Variants in PDE11A observed in about 807,000 individuals in gnomAD.
PDE11A encodes phosphodiesterase 11A, also known as dual 3',5'-cyclic-AMP and -GMP phosphodiesterase 11A.
A neutral mutation model predicts 100.5 loss-of-function variants in PDE11A; 100 were observed. The observed-to-expected ratio is 1.00, with a 90% CI of 0.85 to 1.18. The LOEUF (loss-of-function observed/expected upper bound fraction) is 1.18. Among genes scored for constraint, PDE11A ranks in the 50% most tolerant of loss-of-function variants. The pLI is 0.00. For synonymous variants in PDE11A, 381 were observed against 420.8 expected (o/e 0.91, Z 1.16); for missense variants, 1,141 against 1,152.6 (o/e 0.99, Z 0.15).
At chr2:177,731,849 C>A (rs1385077328) in intron 10 of PDE11A, among the ~76,000 whole-genome samples, 2 of 152,098 alleles carry the variant, frequency 1.3e-5, no homozygotes, top group Non-Finnish European at 2.9e-5. Flanking sequence ...AAATTACTTT[C>A]TATTCATCCA....
At chr2:177,940,011 C>T (rs2085328035) in intron 2 of PDE11A, among the ~76,000 whole-genome samples, 1 of 151,848 alleles carries the variant, frequency 6.6e-6, no homozygotes, top group South Asian at 2.1e-4. Context: ...AGAGTGAATC[C>T]TTCTGTTTTA....
chr2:177,750,934 T>G (rs928390053), intron 10 of PDE11A, among the ~76,000 whole-genome samples: 1 of 152,166 alleles, frequency 6.6e-6, no homozygotes, highest in Non-Finnish European at 1.5e-5. Context: ...GCTTAAAAAG[T>G]ATATCAATTC....
intron 2 of PDE11A, among the ~76,000 whole-genome samples, chr2:178,095,544 G>A (rs1333148085): frequency 6.6e-6 from 1 of 152,186 alleles, no homozygotes; most frequent in Non-Finnish European, 1.5e-5. Context: ...CAAGCTGTTG[G>A]TGGATCTACC....
intron 2 of PDE11A, among the ~76,000 whole-genome samples, chr2:177,912,275 A>T (rs1038212294): frequency 6.6e-6 from 1 of 152,092 alleles, no homozygotes. Context: ...GTCCCTGAGT[A>T]TTAAAGCTGG....
chr2:177,709,621 C>G lies in PDE11A; in HGVS notation c.2153+2148G>C, dbSNP rs149281320. On this transcript the variant is annotated intron_variant, in intron 13 of 19. Transcript: ENST00000286063. The stretch of plus-strand genomic sequence containing the variant: ...ATCAGCAGATGGCTGGTGGCCCTGC[C>G]TGAAGGATCGTGAAGAGTGAGAGAG... 5.6e-3 allele frequency among the ~76,000 whole-genome samples: 850 copies of G among 152,252 alleles called. 6 individuals are homozygous for G. The highest frequency in any genetic ancestry group is 0.011 in the South Asian group (52 of 4,826).
chr2:178,055,492 T>C (rs887925458), intron 1 of PDE11A, among the ~76,000 whole-genome samples: 10 of 151,976 alleles, frequency 6.6e-5, no homozygotes, highest in Admixed American at 4.6e-4. Flanking sequence ...GAACTTAAAG[T>C]ATAATAAAAA....
chr2:177,834,831 G>A (rs1238803826), intron 6 of PDE11A, among the ~76,000 whole-genome samples: 2 of 152,086 alleles, frequency 1.3e-5, no homozygotes, highest in South Asian at 2.1e-4. Flanking sequence ...GATATAGGGA[G>A]CTTTTCTATG....
intron 2 of PDE11A, among the ~76,000 whole-genome samples, chr2:177,937,568 C>G (rs185207864): frequency 6.6e-6 from 1 of 152,274 alleles, no homozygotes; most frequent in African/African-American, 2.4e-5. Context: ...CTGCCAGTCT[C>G]GCCCTTTCAA....
At chr2:177,969,763 C>T (rs1055445752) in intron 2 of PDE11A, among the ~76,000 whole-genome samples, 4 of 152,008 alleles carry the variant, frequency 2.6e-5, no homozygotes, top group African/African-American at 9.7e-5. Flanking sequence ...CTTTGTATCT[C>T]CTGGGGAATA....
intron 2 of PDE11A, among the ~76,000 whole-genome samples, chr2:177,915,446 T>C (rs2084939210): frequency 6.6e-6 from 1 of 152,204 alleles, no homozygotes; most frequent in African/African-American, 2.4e-5. Context: ...AACCACGCAG[T>C]ATATATCCTT....
chr2:177,888,424 C>T (rs1411358300), intron 4 of PDE11A, among the ~76,000 whole-genome samples: 1 of 152,096 alleles, frequency 6.6e-6, no homozygotes, highest in Non-Finnish European at 1.5e-5. Context: ...ACACATACTG[C>T]TTTATACCCC....
chr2:178,047,711 T>C (rs1380911576), intron 1 of PDE11A, among the ~76,000 whole-genome samples: 4 of 152,192 alleles, frequency 2.6e-5, no homozygotes, highest in African/African-American at 9.7e-5. Flanking sequence ...ACAAAGCTAG[T>C]AGCTTAAAAT....
intron 2 of PDE11A, among the ~76,000 whole-genome samples, chr2:177,989,691 A>G (rs995075002): frequency 1.4e-4 from 22 of 152,168 alleles, no homozygotes; most frequent in African/African-American, 5.1e-4. Flanking sequence ...AATTCCTTCA[A>G]CCTGAGGTTA....
intron 19 of PDE11A, among the ~76,000 whole-genome samples, chr2:177,639,018 T>C (rs536615922): frequency 6.6e-6 from 1 of 152,312 alleles, no homozygotes; most frequent in African/African-American, 2.4e-5. Flanking sequence ...TACTCTTCCC[T>C]GGGAACTGTA....
chr2:177,851,589 A>G (rs1426899978), intron 5 of PDE11A, among the ~76,000 whole-genome samples: 3 of 152,218 alleles, frequency 2.0e-5, no homozygotes, highest in Non-Finnish European at 2.9e-5. Flanking sequence ...AGTAAATAAT[A>G]GAGCTGACGC....
chr2:177,973,084 T>C (rs12615720), intron 2 of PDE11A, among the ~76,000 whole-genome samples: 85,309 of 151,152 alleles, frequency 0.56, 26,670 homozygotes, highest in African/African-American at 0.85. Context: ...GGAGGAGGAG[T>C]CAAGATGGCC....
intron 9 of PDE11A, among the ~76,000 whole-genome samples, chr2:177,783,515 A>G (rs1346497964): frequency 6.6e-6 from 1 of 152,198 alleles, no homozygotes; most frequent in East Asian, 1.9e-4. Context: ...TATTAAGCTC[A>G]TTAAAATTAC....
At chr2:177,810,208 G>A (rs1946812) in intron 9 of PDE11A, among the ~76,000 whole-genome samples, 17,200 of 152,198 alleles carry the variant, frequency 0.11, 1,127 homozygotes, top group African/African-American at 0.19. Flanking sequence ...CATAGCCCAA[G>A]CTTTTCCATT....
intron 2 of PDE11A, among the ~76,000 whole-genome samples, chr2:178,100,594 G>C (rs1328580857): frequency 6.6e-6 from 1 of 152,042 alleles, no homozygotes; most frequent in African/African-American, 2.4e-5. Flanking sequence ...AACATAGTAA[G>C]CTACTTATTG....
Sources: gnomAD v4.1 joint callset for allele counts (sites outside exome capture counted in the v4.1 genomes callset) on GRCh38, gnomAD v4.1.1 for gene constraint, MANE v1.5 for transcripts, NCBI Gene and HGNC (gene_info 2026-07-23, HGNC 2026-07-21) for gene names.